NTM: variants seen among roughly 807,000 people sequenced by gnomAD.
NTM encodes IgLON family member 2.
In NTM, 13 loss-of-function variants were observed where a neutral mutation model predicts 42.1. The observed-to-expected ratio is 0.31, with a 90% CI of 0.20 to 0.49. The LOEUF is 0.49. Ranked by LOEUF, NTM falls within the 20% of genes least tolerant of loss-of-function variation. The probability of loss-of-function intolerance (pLI) is 0.99; values close to 1 mark genes in which losing one functional copy is unlikely to be tolerated. For missense variants in NTM, 373 were observed against 452.8 expected, an observed-to-expected ratio of 0.82 and a Z score of 1.60; for synonymous variants, 187 against 179.2, an observed-to-expected ratio of 1.04 and a Z score of -0.35.
intron 2 of NTM, among the ~76,000 whole-genome samples, chr11:132,086,520 A>G (rs1484368674): frequency 6.6e-6 from 1 of 152,168 alleles, no homozygotes; most frequent in East Asian, 1.9e-4. Flanking sequence ...TAAGTCCCTT[A>G]TTACCCGATG....
chr11:131,976,669 C>A (rs1315030959), intron 2 of NTM, among the ~76,000 whole-genome samples: 1 of 152,114 alleles, frequency 6.6e-6, no homozygotes, highest in Admixed American at 6.6e-5. Context: ...AATAAAATGT[C>A]CAGGATGCTC....
At position 132,292,097 on chromosome 11, in the gene NTM, G is replaced by C. The variant is rs80172668; in HGVS notation, c.527-15592G>C. 4.4e-3 allele frequency among the ~76,000 whole-genome samples: 669 copies of C among 152,292 alleles called. 6 individuals carry two copies. Among genetic ancestry groups the C allele is most frequent in the African/African-American group, 0.015 (629 of 41,566 alleles). ...TACAGCAAAAGCAGGTGAAGATTGA[G>C]GAGAAAGTCCAGGTAGCTGATGAAG... is the stretch of plus-strand genomic sequence containing the variant. On this transcript the variant is annotated intron_variant, in intron 4 of 8. Transcript: ENST00000683400.
chr11:131,485,641 A>C (rs2136263419), intron 1 of NTM, among the ~76,000 whole-genome samples: 1 of 152,322 alleles, frequency 6.6e-6, no homozygotes. Flanking sequence ...ATAAGTAGTA[A>C]ATTAGCAATA....
chr11:131,959,721 C>T (rs1565827398), intron 2 of NTM, among the ~76,000 whole-genome samples: 1 of 152,186 alleles, frequency 6.6e-6, no homozygotes, highest in East Asian at 1.9e-4. Context: ...GGTAGCAAAT[C>T]CATTCAATTT....
intron 2 of NTM, among the ~76,000 whole-genome samples, chr11:132,044,154 G>A (rs71470695): frequency 0.43 from 54,304 of 126,602 alleles, 13,222 homozygotes; most frequent in East Asian, 0.78. Flanking sequence ...GTGCGTGTGT[G>A]TGTGTGTGTG....
intron 1 of NTM, among the ~76,000 whole-genome samples, chr11:131,392,402 A>G (rs1182954497): frequency 6.6e-6 from 1 of 151,664 alleles, no homozygotes; most frequent in Non-Finnish European, 1.5e-5. Context: ...GTGCAACCAT[A>G]GAGCCCCTGA....
At chr11:131,820,870 C>A (rs546031485) in intron 1 of NTM, among the ~76,000 whole-genome samples, 7 of 152,198 alleles carry the variant, frequency 4.6e-5, no homozygotes, top group African/African-American at 1.7e-4. Context: ...AAGGTGTCTC[C>A]ATTCATTTTG....
At chr11:131,682,329 T>C (rs1451019385) in intron 1 of NTM, among the ~76,000 whole-genome samples, 1 of 152,150 alleles carries the variant, frequency 6.6e-6, no homozygotes, top group Non-Finnish European at 1.5e-5. Flanking sequence ...TCTAAGAATC[T>C]CTGTACAAAA....
chr11:131,728,850 A>T (rs2079278617), intron 1 of NTM, among the ~76,000 whole-genome samples: 2 of 152,168 alleles, frequency 1.3e-5, no homozygotes, highest in South Asian at 4.1e-4. Flanking sequence ...GAAGCTACTT[A>T]GGGACTTCCA....
At chr11:131,653,050 G>A (rs1274846764) in intron 1 of NTM, among the ~76,000 whole-genome samples, 3 of 152,104 alleles carry the variant, frequency 2.0e-5, no homozygotes, top group Non-Finnish European at 2.9e-5. Context: ...GCTATTTGAC[G>A]AGCTGCTGCA....
At chr11:131,644,510 T>C (rs1485481967) in intron 1 of NTM, among the ~76,000 whole-genome samples, 1 of 152,194 alleles carries the variant, frequency 6.6e-6, no homozygotes, top group African/African-American at 2.4e-5. Flanking sequence ...CTTAGCCTGC[T>C]CTTGCTGAGG....
chr11:131,810,400 G>A (rs1023413319), intron 1 of NTM, among the ~76,000 whole-genome samples: 6 of 152,152 alleles, frequency 3.9e-5, no homozygotes, highest in African/African-American at 7.2e-5. Flanking sequence ...CAGCAATAGC[G>A]TAGCCCTCTG....
At chr11:132,328,757 CAG>C (rs1200685916) in intron 7 of NTM, among the ~76,000 whole-genome samples, 11 of 151,976 alleles carry the variant, frequency 7.2e-5, no homozygotes, top group African/African-American at 2.7e-4. Flanking sequence ...TTTCTTGGCA[CAG>C]AGAGGATCAA....
intron 4 of NTM, among the ~76,000 whole-genome samples, chr11:132,212,953 G>C (rs550274155): frequency 1.5e-5 from 2 of 129,534 alleles, no homozygotes; most frequent in Admixed American, 7.6e-5. Flanking sequence ...TCATGAGACA[G>C]ATGACAAAAA....
chr11:132,117,228 A>G (rs1158156258), intron 2 of NTM, among the ~76,000 whole-genome samples: 2 of 152,256 alleles, frequency 1.3e-5, no homozygotes, highest in African/African-American at 2.4e-5. Context: ...TTCTTGCTAC[A>G]CGAAGACAAA....
chr11:132,189,634 C>T (rs928936312), intron 3 of NTM, among the ~76,000 whole-genome samples: 23 of 135,422 alleles, frequency 1.7e-4, no homozygotes, highest in Admixed American at 6.1e-4. Context: ...CACTGATTCA[C>T]GGCAGATACA....
intron 2 of NTM, among the ~76,000 whole-genome samples, chr11:132,133,592 G>T (rs1238426255): frequency 6.6e-6 from 1 of 152,096 alleles, no homozygotes; most frequent in African/African-American, 2.4e-5. Context: ...TAAAGAATGG[G>T]CCACAGAGAC....
At chr11:131,911,756 G>C in intron 2 of NTM, 108 bp downstream of exon 2, 1 of 1,383,532 alleles carries the variant, frequency 7.2e-7, no homozygotes, top group Non-Finnish European at 1.0e-6. Flanking sequence ...CGGAGAGGTC[G>C]CTGGTTCCCT....
intron 2 of NTM, among the ~76,000 whole-genome samples, chr11:131,970,612 G>A (rs2134676263): frequency 6.6e-6 from 1 of 152,268 alleles, no homozygotes; most frequent in East Asian, 1.9e-4. Flanking sequence ...CTGCTTATCT[G>A]ACCATTTTTA....
Sources: allele counts gnomAD v4.1 joint callset (sites outside exome capture counted in the v4.1 genomes callset), GRCh38; gene constraint gnomAD v4.1.1; transcripts MANE v1.5; gene names NCBI Gene and HGNC (gene_info 2026-07-23, HGNC 2026-07-21).